The following FAM20A variants were observed in gnomAD, a reference collection of about 807,000 sequenced individuals.
The protein encoded by FAM20A is pseudokinase FAM20A.
FAM20A carries 42 observed loss-of-function variants against 52.0 expected under a neutral mutation model. That is an observed-to-expected ratio of 0.81 (90% CI 0.63 to 1.04). The LOEUF is 1.04. FAM20A is among the 50% of genes least tolerant of loss of function. FAM20A has a pLI of 0.00. For missense variants in FAM20A, 742 were observed against 712.7 expected, an observed-to-expected ratio of 1.04 and a Z score of -0.47; for synonymous variants, 304 against 298.9, an observed-to-expected ratio of 1.02 and a Z score of -0.18.
intron 1 of FAM20A, among the ~76,000 whole-genome samples, chr17:68,576,249 C>T (rs1183231885): frequency 6.6e-6 from 1 of 152,186 alleles, no homozygotes; most frequent in Non-Finnish European, 1.5e-5. Flanking sequence ...TGGCTCTCTG[C>T]CAGCACCTTT....
At chr17:68,594,900 G>A (rs1344355485) in intron 1 of FAM20A, among the ~76,000 whole-genome samples, 1 of 152,200 alleles carries the variant, frequency 6.6e-6, no homozygotes, top group Non-Finnish European at 1.5e-5. Context: ...TATCCCAAGG[G>A]TAACTGGTAC....
chr17:68,552,908 C>T (rs1239649618), intron 3 of FAM20A, among the ~76,000 whole-genome samples: 2 of 147,810 alleles, frequency 1.4e-5, no homozygotes, highest in Non-Finnish European at 1.5e-5. Flanking sequence ...GTCTCGATCT[C>T]CTGACCTCAT....
In FAM20A at chr17:68,565,383, C is replaced by CTTTTTTTTTTTT. The variant is rs796800181; in HGVS notation, c.405-9652_405-9641dup. On this transcript the variant is annotated intron_variant, in intron 1 of 10. Coordinates refer to ENST00000592554, the MANE Select transcript of FAM20A (RefSeq NM_017565.4). Reference sequence around the variant, plus strand: ...CCTGGAGTTTAACCTCCATTACCTCCTTTTTTTTTTTTTTTTTTTTTTTTT... The same window carrying CTTTTTTTTTTTT: ...CCTGGAGTTTAACCTCCATTACCTCCTTTTTTTTTTTTTTTTTTTTTTTTTTTTTTTTTTTTT... Among the ~76,000 whole-genome samples the CTTTTTTTTTTTT allele has an allele frequency of 1.6e-3, 166 of 103,778 alleles. 12 individuals carry two copies. The highest frequency in any genetic ancestry group is 6.7e-3 in the African/African-American group (153 of 22,968). The allele number at this position is 103,778 out of a possible 152,430, so 68.1% of individuals were successfully genotyped here.
intron 1 of FAM20A, among the ~76,000 whole-genome samples, chr17:68,589,601 C>A (rs2088247227): frequency 6.6e-6 from 1 of 151,952 alleles, no homozygotes; most frequent in Non-Finnish European, 1.5e-5. Flanking sequence ...TTGGGCACAT[C>A]AATTTTGGAG....
chr17:68,556,025 G>A (rs999800226), intron 1 of FAM20A, among the ~76,000 whole-genome samples: 1 of 152,106 alleles, frequency 6.6e-6, no homozygotes, highest in Non-Finnish European at 1.5e-5. Flanking sequence ...CAAATCCTGG[G>A]AAGGAAAAAA....
chr17:68,563,029 A>T (rs1304188610), intron 1 of FAM20A, among the ~76,000 whole-genome samples: 1 of 152,204 alleles, frequency 6.6e-6, no homozygotes, highest in Non-Finnish European at 1.5e-5. Flanking sequence ...GGACTTAGTT[A>T]TCTGAACGGA....
At chr17:68,555,827 C>T (rs2087036174) in intron 1 of FAM20A, 84 bp from the exon 2 acceptor site, 1 of 1,454,590 alleles carries the variant, frequency 6.9e-7, no homozygotes, top group African/African-American at 1.4e-5. Context: ...TTTTATTCAT[C>T]CTTTCATTTA....
intron 1 of FAM20A, among the ~76,000 whole-genome samples, chr17:68,581,440 CTTT>C (rs765957998): frequency 2.0e-5 from 2 of 101,184 alleles, no homozygotes; most frequent in Non-Finnish European, 3.9e-5. Context: ...TCTTTCTTTT[CTTT>C]TTTTCTTTTC....
intron 1 of FAM20A, among the ~76,000 whole-genome samples, chr17:68,594,629 C>T (rs1340960703): frequency 6.6e-6 from 1 of 152,086 alleles, no homozygotes; most frequent in East Asian, 1.9e-4. Context: ...CTTCCAAGCT[C>T]ATTCTTGGTG....
rs938217731 is a variant in FAM20A, at chr17:68,554,710, T to C, written c.640+67A>G. Reference sequence around the variant, plus strand: ...CTCTTGCCCAAGGTCGCCACTGGAGTGGGTTTTGGGGTTTGCACAGCTGTG... The same window carrying C: ...CTCTTGCCCAAGGTCGCCACTGGAGCGGGTTTTGGGGTTTGCACAGCTGTG... On this transcript the variant is annotated intron_variant, in intron 3 of 10. Coordinates refer to ENST00000592554, the MANE Select transcript of FAM20A (RefSeq NM_017565.4). 4.1e-6 allele frequency: 6 copies of C among 1,469,548 alleles called. No individual in the cohort carries two copies. In the African/African-American group the frequency reaches 8.2e-5, roughly 20 times the overall value. The allele number at this position is 1,469,548 out of a possible 1,614,324, so 91.0% of individuals were successfully genotyped here.
chr17:68,564,345 G>T (rs1173192036), intron 1 of FAM20A, among the ~76,000 whole-genome samples: 1 of 152,196 alleles, frequency 6.6e-6, no homozygotes, highest in African/African-American at 2.4e-5. Flanking sequence ...TCCAAGAATG[G>T]TGGCTATTTT....
chr17:68,544,846 C>G (rs569313433), intron 4 of FAM20A, among the ~76,000 whole-genome samples: 2 of 152,136 alleles, frequency 1.3e-5, no homozygotes, highest in African/African-American at 4.8e-5. Context: ...TTTCAGACAC[C>G]TTTTAGGTTC....
chr17:68,543,505 G>T, intron 5 of FAM20A, 124 bp downstream of exon 5: 1 of 836,220 alleles, frequency 1.2e-6, no homozygotes, highest in Non-Finnish European at 2.0e-6. Flanking sequence ...GATGAGGCAC[G>T]AAGAAGATAG....
intron 1 of FAM20A, among the ~76,000 whole-genome samples, chr17:68,574,521 T>A (rs936979986): frequency 6.6e-6 from 1 of 152,200 alleles, no homozygotes; most frequent in South Asian, 2.1e-4. Context: ...CTTCTCAACA[T>A]TGCCACATTG....
rs5821662 is a variant in FAM20A, at chr17:68,561,591, C to CTTTTTT, written c.405-5854_405-5849dup. On this transcript the variant is annotated intron_variant, in intron 1 of 10. Coordinates refer to ENST00000592554, the MANE Select transcript of FAM20A (RefSeq NM_017565.4). ...GGTGGGGCTAGTCTTTTTGATTGCTCTTTTTTTTTTTTTTTTTTTAAAGAG... is the reference window on the plus strand; with the variant it reads ...GGTGGGGCTAGTCTTTTTGATTGCTCTTTTTTTTTTTTTTTTTTTTTTTTTAAAGAG... 3.8e-3 allele frequency among the ~76,000 whole-genome samples: 495 copies of CTTTTTT among 128,880 alleles called. 2 individuals are homozygous for CTTTTTT. Among genetic ancestry groups the CTTTTTT allele is most frequent in the African/African-American group, 0.013 (472 of 35,094 alleles). The allele number at this position is 128,880 out of a possible 152,430, so 84.6% of individuals were successfully genotyped here. A position where few individuals can be genotyped will look rare whatever the true frequency, so the allele number is the denominator to read the frequency against.
At chr17:68,575,315 G>A (rs944511956) in intron 1 of FAM20A, 2 of 148,722 alleles carry the variant, frequency 1.3e-5, no homozygotes, top group Non-Finnish European at 3.0e-5. Flanking sequence ...GAGAGTCCAA[G>A]GCAGGAGGAT....
intron 1 of FAM20A, among the ~76,000 whole-genome samples, chr17:68,564,783 C>T (rs1598041350): frequency 6.6e-6 from 1 of 152,262 alleles, no homozygotes; most frequent in East Asian, 1.9e-4. Context: ...GTCCCATTTG[C>T]TTCCTGGGAT....
intron 3 of FAM20A, among the ~76,000 whole-genome samples, chr17:68,554,077 CATATAT>C (rs957328641): frequency 2.1e-5 from 3 of 145,584 alleles, no homozygotes; most frequent in African/African-American, 5.3e-5. Flanking sequence ...CATATACACA[CATATAT>C]ACATATATAC....
intron 1 of FAM20A, among the ~76,000 whole-genome samples, chr17:68,567,476 G>T (rs2143778672): frequency 6.6e-6 from 1 of 152,036 alleles, no homozygotes. Context: ...CCTGTCATAG[G>T]TCAGGTTCTC....
Sources: allele counts gnomAD v4.1 joint callset (sites outside exome capture counted in the v4.1 genomes callset), GRCh38; gene constraint gnomAD v4.1.1; transcripts MANE v1.5; gene names NCBI Gene and HGNC (gene_info 2026-07-23, HGNC 2026-07-21).